Variants in PCDHA6 observed in about 807,000 individuals in gnomAD.
PCDHA6 encodes the protein protocadherin alpha 6.
In PCDHA6, 55 loss-of-function variants were observed where a neutral mutation model predicts 60.3. The ratio of observed to expected loss-of-function variants is 0.91; its 90% confidence interval spans 0.73 to 1.14. The LOEUF is 1.14. Ranked by LOEUF, PCDHA6 falls within the 50% of genes most tolerant of loss-of-function variation. The pLI is 0.00. For synonymous variants in PCDHA6, 652 were observed against 557.9 expected (o/e 1.17, Z -2.38); for missense variants, 1,327 against 1,256.5 (o/e 1.06, Z -0.85).
chr5:140,919,038 C>A (rs2078983263), intron 1 of PCDHA6, among the ~76,000 whole-genome samples: 1 of 152,046 alleles, frequency 6.6e-6, no homozygotes, highest in Non-Finnish European at 1.5e-5. Context: ...TAGTTGTTGT[C>A]CATTATTGGA....
At chr5:140,910,719 C>T (rs527945930) in intron 1 of PCDHA6, among the ~76,000 whole-genome samples, 44 of 152,216 alleles carry the variant, frequency 2.9e-4, no homozygotes, top group African/African-American at 1.0e-3. Context: ...TCTTTTAATC[C>T]ATATTTCAGC....
At chr5:140,886,651 C>T (rs1427441330) in intron 1 of PCDHA6, among the ~76,000 whole-genome samples, 4 of 151,902 alleles carry the variant, frequency 2.6e-5, no homozygotes, top group Non-Finnish European at 4.4e-5. Context: ...CATGGTGAAA[C>T]CCTGTCTCTA....
At chr5:140,921,428 T>G (rs1291283426) in intron 1 of PCDHA6, among the ~76,000 whole-genome samples, 1 of 152,190 alleles carries the variant, frequency 6.6e-6, no homozygotes, top group Non-Finnish European at 1.5e-5. Context: ...GACAAAAATT[T>G]TCTTCAATGG....
intron 1 of PCDHA6, chr5:140,870,259 T>G: frequency 6.2e-7 from 1 of 1,614,190 alleles, no homozygotes; most frequent in African/African-American, 1.3e-5. Flanking sequence ...ACAGGTGACC[T>G]GCTCGCTGAC....
intron 1 of PCDHA6, among the ~76,000 whole-genome samples, chr5:140,897,646 C>T (rs1336141431): frequency 1.3e-5 from 2 of 152,128 alleles, no homozygotes; most frequent in African/African-American, 4.8e-5. Flanking sequence ...CCACAATAAA[C>T]ATACGTGTGC....
intron 1 of PCDHA6, chr5:140,857,408 T>C: frequency 6.3e-7 from 1 of 1,597,854 alleles, no homozygotes; most frequent in Non-Finnish European, 8.6e-7. Context: ...CGCGCCTGCG[T>C]TCGCGCAGTC....
chr5:140,850,556 G>A (rs1554144496), intron 1 of PCDHA6: 1 of 1,598,290 alleles, frequency 6.3e-7, no homozygotes. Flanking sequence ...TGGGTGCCAC[G>A]GGCCCCGAGG....
rs894945353 is a variant in PCDHA6 at position 140,936,140 on chromosome 5, G to A, written c.2395-42809G>A. ...ACTCCTGACCTTAAGTGATCTGCCC[G>A]CCTTGGCCTCCTAAAGTGCTGGGAT... is the stretch of plus-strand genomic sequence containing the variant. On this transcript the variant is annotated intron_variant, in intron 1 of 3. Coordinates refer to ENST00000529310, the MANE Select transcript of PCDHA6 (RefSeq NM_018909.4). 7.2e-5 allele frequency among the ~76,000 whole-genome samples: 11 copies of A among 152,050 alleles called. 1 individual carries two copies. The highest frequency in any genetic ancestry group is 6.6e-4 in the Admixed American group (10 of 15,256).
In PCDHA6 at chr5:141,011,003, C is replaced by T. The variant is rs748731648; in HGVS notation, c.*1066C>T. ...ATTGCCTGAAACATCTGTATTATAT[C>T]GGCCACCTGCCAATCACAGCTTTAC... On this transcript the variant is annotated 3_prime_UTR_variant, in exon 4 of 4. Coordinates refer to ENST00000529310, the MANE Select transcript of PCDHA6 (RefSeq NM_018909.4). 1 of 153,706 alleles carries T rather than the reference C, an allele frequency of 6.5e-6. No individual in the cohort carries two copies. The highest frequency in any genetic ancestry group is 2.1e-4 in the South Asian group (1 of 4,816). 9.5% of individuals were successfully genotyped at this position (153,706 alleles called of 1,614,324 possible).
At chr5:141,006,169 A>G (rs553035949) in intron 3 of PCDHA6, among the ~76,000 whole-genome samples, 4 of 149,840 alleles carry the variant, frequency 2.7e-5, no homozygotes, top group Non-Finnish European at 5.9e-5. Flanking sequence ...TCTGATTTAT[A>G]TTTTTAAAAG....
intron 1 of PCDHA6, among the ~76,000 whole-genome samples, chr5:140,838,972 A>G (rs1775978253): frequency 6.6e-6 from 1 of 151,966 alleles, no homozygotes; most frequent in African/African-American, 2.4e-5. Flanking sequence ...AGAACTGACA[A>G]TTTTCACTGT....
Position 140,829,906 on chromosome 5 carries a change from G to A in PCDHA6, c.1815G>A (p.Ala605=), listed in dbSNP as rs2150177512. Residue 605 remains alanine, a synonymous_variant, in exon 1 of 4, where the codon GCG becomes GCA. Transcript: ENST00000529310. Reference sequence around the variant, plus strand: ...TTGACGCCGACTCAGGCTACAACGCGTGGCTTTCGTATGAGCTGCAGCCCC... The same window carrying A: ...TTGACGCCGACTCAGGCTACAACGCATGGCTTTCGTATGAGCTGCAGCCCC... The part of the protein sequence containing the change: ...RAVDADSGYN[A]WLSYELQPPA... 10 of 1,613,980 alleles carry A rather than the reference G, an allele frequency of 6.2e-6. No homozygotes were observed. Among genetic ancestry groups the A allele is most frequent in the Non-Finnish European group, 8.5e-6 (10 of 1,179,896 alleles).
At chr5:140,906,030 T>G (rs1554192342) in intron 1 of PCDHA6, among the ~76,000 whole-genome samples, 1 of 152,196 alleles carries the variant, frequency 6.6e-6, no homozygotes, top group Non-Finnish European at 1.5e-5. Flanking sequence ...CACGTTCTTC[T>G]GTCTGCTTTT....
chr5:140,954,116 G>A (rs1190456994), intron 1 of PCDHA6, among the ~76,000 whole-genome samples: 2 of 152,118 alleles, frequency 1.3e-5, no homozygotes, highest in East Asian at 3.9e-4. Context: ...ACAAGATCTT[G>A]TTCCTTTTTA....
chr5:140,870,250 C>G (rs1562640720), intron 1 of PCDHA6: 1 of 1,614,092 alleles, frequency 6.2e-7, no homozygotes, highest in African/African-American at 1.3e-5. Flanking sequence ...TGTCAACGGA[C>G]AGGTGACCTG....
At chr5:140,898,211 A>G (rs1554187859) in intron 1 of PCDHA6, among the ~76,000 whole-genome samples, 2 of 152,100 alleles carry the variant, frequency 1.3e-5, no homozygotes, top group African/African-American at 4.8e-5. Context: ...CCATTTGTCA[A>G]TTTTGGCTTT....
chr5:140,841,746 T>G (rs1562391326), intron 1 of PCDHA6: 2 of 1,613,910 alleles, frequency 1.2e-6, no homozygotes, highest in Non-Finnish European at 1.7e-6. Flanking sequence ...AAGCTGTTTG[T>G]TTCAGAATCC....
At chr5:140,968,578 C>T in intron 1 of PCDHA6, 3 of 1,614,206 alleles carry the variant, frequency 1.9e-6, no homozygotes, top group Non-Finnish European at 2.5e-6. Context: ...GCTACCTGGT[C>T]ACCAAAGTCA....
chr5:140,936,000 C>G (rs370629183), intron 1 of PCDHA6, among the ~76,000 whole-genome samples: 1 of 150,536 alleles, frequency 6.6e-6, no homozygotes, highest in African/African-American at 2.4e-5. Flanking sequence ...TCAAGCGATT[C>G]TCCCACCTCA....
Sources: allele counts gnomAD v4.1 joint callset (sites outside exome capture counted in the v4.1 genomes callset), GRCh38; gene constraint gnomAD v4.1.1; transcripts MANE v1.5; gene names NCBI Gene and HGNC (gene_info 2026-07-23, HGNC 2026-07-21).